The following EYS variants were observed in gnomAD, a reference collection of about 807,000 sequenced individuals.
The protein encoded by EYS is EGF-like photoreceptor maintenance factor.
Under a neutral mutation model 282.1 loss-of-function variants are expected in EYS, and 250 were observed. That is an observed-to-expected ratio of 0.89 (90% CI 0.80 to 0.98). EYS has a LOEUF of 0.98. Ranked by LOEUF, EYS falls within the 50% of genes least tolerant of loss-of-function variation. The pLI is 0.00. For missense variants in EYS, 4,016 were observed against 3,709.0 expected, an observed-to-expected ratio of 1.08 and a Z score of -2.15; for synonymous variants, 1,355 against 1,282.9, an observed-to-expected ratio of 1.06 and a Z score of -1.20.
chr6:65,396,339 C>G (rs183407372), intron 7 of EYS, among the ~76,000 whole-genome samples: 2 of 151,908 alleles, frequency 1.3e-5, no homozygotes, highest in African/African-American at 2.4e-5. Context: ...ATTCTATGCA[C>G]GGCCTCATTT....
chr6:63,854,527 A>G (rs1246903443), intron 36 of EYS, among the ~76,000 whole-genome samples: 1 of 152,102 alleles, frequency 6.6e-6, no homozygotes, highest in African/African-American at 2.4e-5. Flanking sequence ...CCTAGATGAC[A>G]GGTTAATGGG....
chr6:65,033,246 C>T (rs1387459111), intron 13 of EYS, among the ~76,000 whole-genome samples: 1 of 152,114 alleles, frequency 6.6e-6, no homozygotes, highest in Non-Finnish European at 1.5e-5. Flanking sequence ...GGAAAATTTG[C>T]AGCCTGGTCA....
intron 14 of EYS, among the ~76,000 whole-genome samples, chr6:64,984,199 C>A (rs1770774277): frequency 6.6e-6 from 1 of 151,348 alleles, no homozygotes; most frequent in Non-Finnish European, 1.5e-5. Flanking sequence ...TCTCTGGGCC[C>A]TCCAGATAAA....
At chr6:64,630,090 GTTTTT>G (rs1404703284) in intron 22 of EYS, among the ~76,000 whole-genome samples, 1 of 151,706 alleles carries the variant, frequency 6.6e-6, no homozygotes, top group Non-Finnish European at 1.5e-5. Context: ...GATTTTTTTT[GTTTTT>G]TGTTTTTATT....
intron 35 of EYS, among the ~76,000 whole-genome samples, chr6:63,911,177 C>T (rs149950075): frequency 2.3e-4 from 35 of 150,722 alleles, no homozygotes; most frequent in African/African-American, 7.3e-4. Flanking sequence ...CAATTGCAGT[C>T]GCTTTTCCCA....
intron 13 of EYS, among the ~76,000 whole-genome samples, chr6:65,053,868 TA>T (rs769090910): frequency 1.3e-5 from 2 of 151,912 alleles, no homozygotes; most frequent in Non-Finnish European, 2.9e-5. Flanking sequence ...GTGAATCAAC[TA>T]AAAATTTACC....
intron 22 of EYS, among the ~76,000 whole-genome samples, chr6:64,655,644 C>T (rs1768718276): frequency 6.6e-6 from 1 of 151,968 alleles, no homozygotes; most frequent in Non-Finnish European, 1.5e-5. Flanking sequence ...AAATGCATTA[C>T]ATAACCTGTT....
chr6:64,193,949 T>G (rs888339298), intron 31 of EYS, among the ~76,000 whole-genome samples: 1 of 152,190 alleles, frequency 6.6e-6, no homozygotes, highest in African/African-American at 2.4e-5. Flanking sequence ...TGAATAGTGC[T>G]GCAATAAACA....
rs528115538 is a variant in EYS, at chr6:64,996,506, C to A, written c.2259+1076G>T. On this transcript the variant is annotated intron_variant, in intron 14 of 42. Coordinates refer to ENST00000503581, the MANE Select transcript of EYS (RefSeq NM_001142800.2). ...CAGAGACCAGCATAGTGTCACATGTCCACTTCTAAAGGAATCCCCAAGAGT... is the reference window on the plus strand; with the variant it reads ...CAGAGACCAGCATAGTGTCACATGTACACTTCTAAAGGAATCCCCAAGAGT... Among the ~76,000 whole-genome samples the A allele has an allele frequency of 3.9e-5, 6 of 152,226 alleles. No homozygotes were observed. The East Asian group carries it at 1.2e-3, about 29-fold the overall frequency.
intron 24 of EYS, among the ~76,000 whole-genome samples, chr6:64,614,882 C>T (rs375669217): frequency 7.0e-4 from 106 of 152,100 alleles, no homozygotes; most frequent in Non-Finnish European, 1.1e-3. Flanking sequence ...ATCATAAAAT[C>T]GAATAATTGT....
intron 35 of EYS, among the ~76,000 whole-genome samples, chr6:63,891,435 C>T (rs767693587): frequency 1.6e-4 from 25 of 152,058 alleles, no homozygotes; most frequent in African/African-American, 4.1e-4. Context: ...GTTCAACATA[C>T]GCAAATCAAT....
intron 2 of EYS, among the ~76,000 whole-genome samples, chr6:65,517,046 A>G (rs1392200921): frequency 6.6e-6 from 1 of 151,994 alleles, no homozygotes; most frequent in South Asian, 2.1e-4. Flanking sequence ...TGTCTATTAC[A>G]TGAACTTATT....
chr6:65,425,899 T>G (rs559460528), intron 5 of EYS, among the ~76,000 whole-genome samples: 6 of 152,202 alleles, frequency 3.9e-5, no homozygotes, highest in Non-Finnish European at 8.8e-5. Context: ...TCAGCTGTAT[T>G]TATCCACCAA....
chr6:63,832,888 T>C (rs1771686054), intron 36 of EYS, among the ~76,000 whole-genome samples: 2 of 152,104 alleles, frequency 1.3e-5, no homozygotes, highest in African/African-American at 4.8e-5. Context: ...TGACTTCATC[T>C]CTGGGATGCA....
chr6:64,654,361 G>A (rs1181015323), intron 22 of EYS, among the ~76,000 whole-genome samples: 1 of 152,082 alleles, frequency 6.6e-6, no homozygotes, highest in African/African-American at 2.4e-5. Flanking sequence ...TCCAAAAATT[G>A]GCTAAGAAAC....
intron 14 of EYS, among the ~76,000 whole-genome samples, chr6:64,969,412 G>T (rs1443030900): frequency 3.3e-5 from 5 of 152,178 alleles, no homozygotes; most frequent in African/African-American, 1.2e-4. Context: ...GATGGCTCTT[G>T]CTGGGTATCA....
rs1407930592 is a variant in EYS, at chr6:65,279,863, T to C, written c.2023+16000A>G. Among the ~76,000 whole-genome samples the C allele has an allele frequency of 2.0e-5, 3 of 152,166 alleles. No homozygotes were observed. In the East Asian group the frequency reaches 5.8e-4, roughly 29 times the overall value. On this transcript the variant is annotated intron_variant, in intron 12 of 42. Transcript: ENST00000503581. ...TGTTCATTCTTTTCCCAACATGATT[T>C]CAATTCTATAATTTTGACATTCACC...
chr6:64,220,247 G>A (rs1766058849), intron 31 of EYS, among the ~76,000 whole-genome samples: 2 of 152,126 alleles, frequency 1.3e-5, no homozygotes, highest in Non-Finnish European at 2.9e-5. Flanking sequence ...CTTGGTTGGA[G>A]TTCTTGCTTT....
intron 26 of EYS, among the ~76,000 whole-genome samples, chr6:64,452,775 A>G (rs1394122877): frequency 1.3e-5 from 2 of 152,244 alleles, no homozygotes; most frequent in Non-Finnish European, 2.9e-5. Context: ...CCCCTATTTA[A>G]TAAATGGTGC....
Sources: gnomAD v4.1 joint callset for allele counts (sites outside exome capture counted in the v4.1 genomes callset) on GRCh38, gnomAD v4.1.1 for gene constraint, MANE v1.5 for transcripts, NCBI Gene and HGNC (gene_info 2026-07-23, HGNC 2026-07-21) for gene names.